VPS54: variants seen among roughly 807,000 people sequenced by gnomAD.
The protein encoded by VPS54 is VPS54 subunit of GARP complex.
In VPS54, 45 loss-of-function variants were observed where a neutral mutation model predicts 121.5. The ratio of observed to expected loss-of-function variants is 0.37; its 90% CI spans 0.29 to 0.47. The LOEUF is 0.47. Among genes scored for constraint, VPS54 ranks in the 20% least tolerant of loss-of-function variants. The probability of loss-of-function intolerance (pLI) is 0.99; values close to 1 mark genes in which losing one functional copy is unlikely to be tolerated. For missense variants in VPS54, 1,090 were observed against 1,131.4 expected (o/e 0.96, Z 0.52); for synonymous variants, 371 against 385.8 (o/e 0.96, Z 0.45).
intron 20 of VPS54, 150 bp from the exon 21 acceptor site, chr2:63,899,731 A>G (rs1672597545): frequency 1.1e-5 from 7 of 618,084 alleles, no homozygotes; most frequent in Non-Finnish European, 1.9e-5. Context: ...GATCTGCGCT[A>G]CTCATACAAA....
chr2:63,950,060 C>T (rs78991870), intron 7 of VPS54, among the ~76,000 whole-genome samples: 4,107 of 152,270 alleles, frequency 0.027, 184 homozygotes, highest in African/African-American at 0.094. Flanking sequence ...GTTGTGGTAC[C>T]TATTAGCTGT....
intron 4 of VPS54, among the ~76,000 whole-genome samples, chr2:63,969,677 G>A (rs1349995099): frequency 1.3e-5 from 2 of 151,892 alleles, no homozygotes; most frequent in Non-Finnish European, 2.9e-5. Context: ...CATAATAAAG[G>A]TTCATCCCAA....
intron 1 of VPS54, among the ~76,000 whole-genome samples, chr2:63,985,869 T>C (rs969868127): frequency 3.3e-5 from 5 of 152,204 alleles, no homozygotes; most frequent in African/African-American, 1.2e-4. Context: ...AAGTGTATGG[T>C]TGTTTCTGTA....
intron 12 of VPS54, among the ~76,000 whole-genome samples, chr2:63,925,342 CA>C (rs1407488492): frequency 1.3e-5 from 2 of 152,130 alleles, no homozygotes; most frequent in Non-Finnish European, 2.9e-5. Context: ...GCAACATACC[CA>C]ACAGAATGGC....
chr2:63,914,166 G>C lies in VPS54; in HGVS notation c.2334+16C>G. ...CCTCGAAAAATTTTTCCATAATGGA[G>C]TGAAGTCATACATACCTTCAATAAA... On this transcript the variant is annotated intron_variant, in intron 17 of 22. Coordinates refer to ENST00000272322, the MANE Select transcript of VPS54 (RefSeq NM_016516.3). 6.3e-7 allele frequency: 1 copy of C among 1,586,586 alleles called. No individual in the cohort carries two copies. The highest frequency in any genetic ancestry group is 1.7e-5 in the Admixed American group (1 of 59,166).
At chr2:63,968,928 G>A (rs759859755) in intron 5 of VPS54, 29 bp downstream of exon 5, 9 of 1,578,978 alleles carry the variant, frequency 5.7e-6, no homozygotes, top group Non-Finnish European at 7.7e-6. Flanking sequence ...ATATTATAAG[G>A]CAATTTTCTC....
In VPS54 at chr2:63,978,039, T is replaced by C. The variant is rs551922512; in HGVS notation, c.378+3607A>G. 8.0e-4 allele frequency among the ~76,000 whole-genome samples: 122 copies of C among 152,310 alleles called. 1 individual carries two copies. Among genetic ancestry groups the C allele is most frequent in the African/African-American group, 2.8e-3 (115 of 41,568 alleles). ...AAGCACCCCACTGATGTGGTGGTAA[T>C]GCGTGAAGGGAGGGGAAGCATTCTA... is the stretch of plus-strand genomic sequence containing the variant. On this transcript the variant is annotated intron_variant, in intron 3 of 22. Transcript: ENST00000272322.
intron 1 of VPS54, among the ~76,000 whole-genome samples, chr2:63,994,722 C>T (rs1576003343): frequency 6.6e-6 from 1 of 152,206 alleles, no homozygotes; most frequent in African/African-American, 2.4e-5. Flanking sequence ...GGGAGATATC[C>T]CATACTTTCA....
chr2:63,986,868 C>G (rs886839256), intron 1 of VPS54, among the ~76,000 whole-genome samples: 1 of 152,194 alleles, frequency 6.6e-6, no homozygotes, highest in Admixed American at 6.5e-5. Flanking sequence ...TGCATGTTTT[C>G]TCTTGAGTAA....
At chr2:63,981,438 A>G (rs1371632964) in intron 3 of VPS54, among the ~76,000 whole-genome samples, 2 of 152,192 alleles carry the variant, frequency 1.3e-5, no homozygotes, top group Non-Finnish European at 2.9e-5. Context: ...TGGAATGTGT[A>G]ATTCTGAAAA....
In VPS54 at chr2:63,975,086, C is replaced by A. The variant is rs556261576; in HGVS notation, c.379-2842G>T. 47 of 1,524,812 alleles carry A rather than the reference C, an allele frequency of 3.1e-5. No homozygotes were observed. The East Asian group carries it at 1.2e-3, about 37-fold the overall frequency. 94.5% of individuals were successfully genotyped at this position (1,524,812 alleles called of 1,614,324 possible). On this transcript the variant is annotated intron_variant, in intron 3 of 22. Coordinates refer to ENST00000272322, the MANE Select transcript of VPS54 (RefSeq NM_016516.3). Reference sequence around the variant, plus strand: ...TTTGAGACAGAGTCTCACTCTGTCACCCAATCTGTAGTGCAGTGGCGTGAT... The same window carrying A: ...TTTGAGACAGAGTCTCACTCTGTCAACCAATCTGTAGTGCAGTGGCGTGAT...
At chr2:63,993,059 T>A (rs933274759) in intron 1 of VPS54, among the ~76,000 whole-genome samples, 1 of 152,186 alleles carries the variant, frequency 6.6e-6, no homozygotes, top group African/African-American at 2.4e-5. Context: ...TGATAAAGAA[T>A]TGACTGTTAT....
chr2:63,962,123 T>A lies in VPS54; in HGVS notation c.945A>T (p.Ala315=). 1 of 1,608,600 alleles carries A rather than the reference T, an allele frequency of 6.2e-7. No individual in the cohort carries two copies. The highest frequency in any genetic ancestry group is 1.1e-5 in the South Asian group (1 of 90,940). ...CTTGTGTTGTTGCTATTAAGTCCAA[T>A]GCTCCAACAAATTCAGAAGTAGATA... is the stretch of plus-strand genomic sequence containing the variant. ...VLLSTSEFVG[A]LDLIATTQEV... Residue 315 remains alanine (A), a synonymous_variant, in exon 7 of 23, where the codon GCA becomes GCT. Transcript: ENST00000272322.
chr2:63,943,768 A>T (rs1231830549), intron 10 of VPS54, among the ~76,000 whole-genome samples: 1 of 128,608 alleles, frequency 7.8e-6, no homozygotes, highest in African/African-American at 3.1e-5. Context: ...TTCCTTGTGC[A>T]GGCTGGAATG....
chr2:63,913,189 C>T (rs752517220), intron 18 of VPS54, 34 bp downstream of exon 18: 1 of 1,568,412 alleles, frequency 6.4e-7, no homozygotes, highest in South Asian at 1.1e-5. Context: ...ACTGTTAACA[C>T]TTCAGCAAGT....
At chr2:63,944,498 T>C in intron 10 of VPS54, 102 bp downstream of exon 10, 3 of 1,133,398 alleles carry the variant, frequency 2.6e-6, no homozygotes, top group South Asian at 2.6e-5. Flanking sequence ...TGCTCACACC[T>C]TAGTAAATAA....
At chr2:63,929,191 C>T (rs1674065836) in intron 12 of VPS54, among the ~76,000 whole-genome samples, 1 of 152,164 alleles carries the variant, frequency 6.6e-6, no homozygotes, top group South Asian at 2.1e-4. Flanking sequence ...GAACTCTCCA[C>T]CCCAAATCAA....
At chr2:63,906,699 A>C (rs767126184) in intron 20 of VPS54, among the ~76,000 whole-genome samples, 12 of 152,318 alleles carry the variant, frequency 7.9e-5, no homozygotes, top group South Asian at 4.1e-4. Flanking sequence ...GTTTCTGGCT[A>C]GCAGGTGCAA....
At chr2:63,932,615 C>T (rs997235560) in intron 12 of VPS54, among the ~76,000 whole-genome samples, 4 of 150,958 alleles carry the variant, frequency 2.6e-5, no homozygotes, top group African/African-American at 9.7e-5. Context: ...TGTAACAAAA[C>T]TGCACTTTCT....
Sources: gnomAD v4.1 joint callset for allele counts (sites outside exome capture counted in the v4.1 genomes callset) on GRCh38, gnomAD v4.1.1 for gene constraint, MANE v1.5 for transcripts, NCBI Gene and HGNC (gene_info 2026-07-23, HGNC 2026-07-21) for gene names.